ST3GAL3: variants seen among roughly 807,000 people sequenced by gnomAD.
The protein encoded by ST3GAL3 is CMP-N-acetylneuraminate-beta-1,4-galactoside alpha-2,3-sialyltransferase.
Under a neutral mutation model 50.1 loss-of-function variants are expected in ST3GAL3, and 21 were observed. The ratio of observed to expected loss-of-function variants is 0.42; its 90% confidence interval spans 0.30 to 0.60. The LOEUF is 0.60. Among genes scored for constraint, ST3GAL3 ranks in the 20% least tolerant of loss-of-function variants. The pLI, the probability that ST3GAL3 is intolerant of heterozygous loss-of-function variation, is 0.19. For synonymous variants in ST3GAL3, 183 were observed against 190.0 expected (o/e 0.96, Z 0.30); for missense variants, 353 against 489.4 (o/e 0.72, Z 2.63).
At chr1:43,828,040 T>C (rs188003756) in intron 4 of ST3GAL3, among the ~76,000 whole-genome samples, 3 of 152,296 alleles carry the variant, frequency 2.0e-5, no homozygotes, top group Admixed American at 1.3e-4. Flanking sequence ...TAGCGTAGTA[T>C]TGGCAAAAGA....
intron 1 of ST3GAL3, among the ~76,000 whole-genome samples, chr1:43,735,422 G>C (rs924732501): frequency 2.0e-4 from 31 of 152,198 alleles, no homozygotes; most frequent in African/African-American, 7.5e-4. Context: ...AATTTGGAGA[G>C]ATTCAAAGAG....
chr1:43,822,592 G>A (rs2062249732), intron 4 of ST3GAL3, among the ~76,000 whole-genome samples: 1 of 152,186 alleles, frequency 6.6e-6, no homozygotes, highest in Non-Finnish European at 1.5e-5. Context: ...ATAGCCTGAG[G>A]TGAGTTTAAC....
intron 2 of ST3GAL3, among the ~76,000 whole-genome samples, chr1:43,774,370 A>C (rs1382920924): frequency 1.3e-5 from 2 of 152,154 alleles, no homozygotes; most frequent in African/African-American, 4.8e-5. Context: ...TGCCTTGTGG[A>C]AGGTTTTGTA....
At position 43,751,831 on chromosome 1, in the gene ST3GAL3, G is replaced by GT. The variant is rs961256804; in HGVS notation, c.118+15460dup. On this transcript the variant is annotated intron_variant, in intron 2 of 11. Transcript: ENST00000347631. ...AATTGGTTACATTTTTTTTTGTTCTGTTTTTTTTTGAGACGGAGGTTCTCG... is the reference window on the plus strand; with the variant it reads ...AATTGGTTACATTTTTTTTTGTTCTGTTTTTTTTTTGAGACGGAGGTTCTCG... Among the ~76,000 whole-genome samples the GT allele has an allele frequency of 7.4e-4, 111 of 150,632 alleles. 1 individual carries two copies. The highest frequency in any genetic ancestry group is 2.2e-3 in the African/African-American group (91 of 41,084).
At chr1:43,768,574 C>T (rs74070685) in intron 2 of ST3GAL3, among the ~76,000 whole-genome samples, 4,380 of 152,254 alleles carry the variant, frequency 0.029, 211 homozygotes, top group African/African-American at 0.1. Context: ...GGAGACCACA[C>T]TACAGGAGCT....
chr1:43,891,100 C>T (rs770089728), intron 5 of ST3GAL3, among the ~76,000 whole-genome samples: 1 of 152,138 alleles, frequency 6.6e-6, no homozygotes, highest in Admixed American at 6.5e-5. Context: ...AACCAGGGTT[C>T]CTTGGGAAAA....
intron 1 of ST3GAL3, among the ~76,000 whole-genome samples, chr1:43,729,606 C>T (rs968450304): frequency 6.6e-6 from 1 of 152,216 alleles, no homozygotes; most frequent in African/African-American, 2.4e-5. Context: ...CCTTTCACCC[C>T]AGGCATGTGT....
At chr1:43,777,778 A>T (rs1225404823) in intron 2 of ST3GAL3, among the ~76,000 whole-genome samples, 1 of 152,326 alleles carries the variant, frequency 6.6e-6, no homozygotes, top group Middle Eastern at 3.4e-3. Flanking sequence ...AAACTAAAGA[A>T]TTTTTGCACA....
chr1:43,727,785 T>A (rs7528907), intron 1 of ST3GAL3, among the ~76,000 whole-genome samples: 64,449 of 151,330 alleles, frequency 0.43, 13,963 homozygotes, highest in East Asian at 0.54. Flanking sequence ...GTCTCAAAAA[T>A]TTTTTTTTTC....
chr1:43,812,114 T>C (rs2154174222), intron 3 of ST3GAL3, among the ~76,000 whole-genome samples: 1 of 152,336 alleles, frequency 6.6e-6, no homozygotes, highest in African/African-American at 2.4e-5. Flanking sequence ...CAAATATTTA[T>C]TGAGCATCTA....
intron 7 of ST3GAL3, 92 bp downstream of exon 7, chr1:43,898,390 G>A: frequency 1.5e-6 from 2 of 1,333,416 alleles, no homozygotes; most frequent in East Asian, 2.3e-5. Flanking sequence ...GACATGGGCA[G>A]TTTCTCCAGC....
At chr1:43,865,264 C>T (rs938926909) in intron 5 of ST3GAL3, among the ~76,000 whole-genome samples, 13 of 152,016 alleles carry the variant, frequency 8.6e-5, no homozygotes, top group African/African-American at 2.9e-4. Context: ...ATGATCCTCC[C>T]GCCTCGGCCT....
intron 5 of ST3GAL3, among the ~76,000 whole-genome samples, chr1:43,888,772 T>A (rs1366795862): frequency 6.6e-6 from 1 of 152,198 alleles, no homozygotes; most frequent in African/African-American, 2.4e-5. Flanking sequence ...CAGTGTACTC[T>A]TGGTGATGTT....
intron 5 of ST3GAL3, among the ~76,000 whole-genome samples, chr1:43,872,111 G>C (rs1177942995): frequency 1.9e-4 from 9 of 47,412 alleles, no homozygotes; most frequent in Non-Finnish European, 4.4e-5. Context: ...GGGGTGTGTG[G>C]GGGAGATGAT....
At chr1:43,918,463 A>C (rs2082457696) in intron 9 of ST3GAL3, among the ~76,000 whole-genome samples, 1 of 152,118 alleles carries the variant, frequency 6.6e-6, no homozygotes, top group Non-Finnish European at 1.5e-5. Flanking sequence ...TATTTTGTAT[A>C]TGGTGTGAGG....
chr1:43,837,548 G>A (rs1397881961), intron 4 of ST3GAL3, among the ~76,000 whole-genome samples: 1 of 152,224 alleles, frequency 6.6e-6, no homozygotes, highest in Non-Finnish European at 1.5e-5. Flanking sequence ...AAGGAAGGTG[G>A]AAAGGCCAGG....
At chr1:43,894,313 G>A (rs1019029149) in intron 5 of ST3GAL3, 70 bp from the exon 6 acceptor site, 41 of 1,481,848 alleles carry the variant, frequency 2.8e-5, no homozygotes, top group African/African-American at 9.7e-5. Flanking sequence ...CAAGACCGAC[G>A]TACGGAAGTG....
At chr1:43,751,991 C>G (rs753366342) in intron 2 of ST3GAL3, among the ~76,000 whole-genome samples, 60 of 151,884 alleles carry the variant, frequency 4.0e-4, no homozygotes, top group Non-Finnish European at 8.5e-4. Flanking sequence ...CTAATTTTGT[C>G]TTTTTAATAG....
intron 5 of ST3GAL3, among the ~76,000 whole-genome samples, chr1:43,882,510 A>G (rs919326613): frequency 6.6e-6 from 1 of 152,230 alleles, no homozygotes; most frequent in Non-Finnish European, 1.5e-5. Flanking sequence ...TGTGAAGTTC[A>G]GGACCTGAAC....
Sources: gnomAD v4.1 joint callset for allele counts (sites outside exome capture counted in the v4.1 genomes callset) on GRCh38, gnomAD v4.1.1 for gene constraint, MANE v1.5 for transcripts, NCBI Gene and HGNC (gene_info 2026-07-23, HGNC 2026-07-21) for gene names.